Variants in FREM1 observed in about 807,000 individuals in gnomAD.
FREM1 encodes FRAS1 related extracellular matrix 1, also known as FRAS1-related extracellular matrix protein 1.
A neutral mutation model predicts 210.1 loss-of-function variants in FREM1; 220 were observed. That is an observed-to-expected ratio of 1.05 (90% CI 0.94 to 1.17). The LOEUF (loss-of-function observed/expected upper bound fraction) is 1.17. Among genes scored for constraint, FREM1 ranks in the 50% most tolerant of loss-of-function variants. The probability of loss-of-function intolerance (pLI) is 0.00; values close to 1 mark genes in which losing one functional copy is unlikely to be tolerated. For missense variants in FREM1, 3,454 were observed against 2,675.5 expected (o/e 1.29, Z -6.42); for synonymous variants, 1,189 against 980.2 (o/e 1.21, Z -3.98).
intron 1 of FREM1, among the ~76,000 whole-genome samples, chr9:14,899,769 G>C (rs1163073126): frequency 6.6e-6 from 1 of 152,200 alleles, no homozygotes; most frequent in Non-Finnish European, 1.5e-5. Context: ...GCAATATCCA[G>C]ATAGGCTGAC....
chr9:14,810,725 T>G (rs1018666559), intron 16 of FREM1, among the ~76,000 whole-genome samples: 1 of 152,232 alleles, frequency 6.6e-6, no homozygotes, highest in African/African-American at 2.4e-5. Context: ...GGTGATAATC[T>G]AAATGATAAA....
intron 28 of FREM1, among the ~76,000 whole-genome samples, chr9:14,758,377 T>C (rs1844817626): frequency 6.6e-6 from 1 of 152,194 alleles, no homozygotes; most frequent in Non-Finnish European, 1.5e-5. Context: ...GTGCTTTCTA[T>C]GGAGGACGGG....
At position 14,747,248 on chromosome 9, in the gene FREM1, A is replaced by G; in HGVS notation, c.6009+16T>C. The G allele has an allele frequency of 6.2e-7, 1 of 1,607,178 alleles. No homozygotes were observed. The highest frequency in any genetic ancestry group is 1.3e-5 in the African/African-American group (1 of 74,674). On this transcript the variant is annotated intron_variant, in intron 33 of 36. Coordinates refer to ENST00000380880, the MANE Select transcript of FREM1 (RefSeq NM_001379081.2). Reference sequence around the variant, plus strand: ...CTTGTTATAAGGTGAGTAAGAAGGAACAAAGATTTTCATACCTGTCTGGGG... The same window carrying G: ...CTTGTTATAAGGTGAGTAAGAAGGAGCAAAGATTTTCATACCTGTCTGGGG...
rs189361578 is a variant in FREM1, at chr9:14,876,004, G to A, written c.-267-6760C>T. On this transcript the variant is annotated intron_variant, in intron 1 of 36. Transcript: ENST00000380880. Reference sequence around the variant, plus strand: ...GCAGAACAGCGGATTTTCGTGAACCGCAAATGCTGCTGTCTGATCGTTCCT... The same window carrying A: ...GCAGAACAGCGGATTTTCGTGAACCACAAATGCTGCTGTCTGATCGTTCCT... Among the ~76,000 whole-genome samples, 511 of 152,282 alleles carry A rather than the reference G, an allele frequency of 3.4e-3. 4 individuals are homozygous for A. Among genetic ancestry groups the A allele is most frequent in the African/African-American group, 0.011 (465 of 41,552 alleles).
At chr9:14,908,904 A>C (rs1818256945) in intron 1 of FREM1, among the ~76,000 whole-genome samples, 1 of 152,170 alleles carries the variant, frequency 6.6e-6, no homozygotes, top group South Asian at 2.1e-4. Flanking sequence ...TGATGGAGAG[A>C]AACAGCAAAG....
chr9:14,859,439 G>C lies in FREM1; in HGVS notation c.375C>G (p.Val125=), dbSNP rs771731024. ...DTFIETFILW[V]YLLEPDCNII... ...TGTTACAGTCTGGTTCCAGGAGATAGACCCACAGGATAAAAGTTTCTATGA... is the reference window on the plus strand; with the variant it reads ...TGTTACAGTCTGGTTCCAGGAGATACACCCACAGGATAAAAGTTTCTATGA... The change falls in exon 4 of 37, where the codon GTC becomes GTG. Residue 125 remains valine, a synonymous_variant. Transcript: ENST00000380880. 9 of 1,613,844 alleles carry C rather than the reference G, an allele frequency of 5.6e-6. No individual in the cohort carries two copies. Among genetic ancestry groups the C allele is most frequent in the Middle Eastern group, 3.3e-4 (2 of 6,062 alleles).
At chr9:14,742,540 A>G (rs1269494390) in intron 35 of FREM1, among the ~76,000 whole-genome samples, 1 of 152,144 alleles carries the variant, frequency 6.6e-6, no homozygotes, top group African/African-American at 2.4e-5. Flanking sequence ...TTGAGTTAGC[A>G]ATCTGGTTAG....
chr9:14,766,891 A>C (rs1425623531), intron 27 of FREM1, among the ~76,000 whole-genome samples: 3 of 152,306 alleles, frequency 2.0e-5, no homozygotes, highest in Admixed American at 6.5e-5. Context: ...TCAATTTCTA[A>C]TTAGAGGCAG....
At chr9:14,821,558 T>A (rs1330428165) in intron 13 of FREM1, among the ~76,000 whole-genome samples, 1 of 152,216 alleles carries the variant, frequency 6.6e-6, no homozygotes. Flanking sequence ...GTTGACTCCA[T>A]AAGCATTCTA....
Position 14,813,172 on chromosome 9 carries a change from G to A in FREM1, c.2641-108C>T, listed in dbSNP as rs569639232. 1.6e-5 allele frequency: 19 copies of A among 1,208,674 alleles called. No homozygotes were observed. The South Asian group carries it at 2.8e-4, about 18-fold the overall frequency. The allele number at this position is 1,208,674 out of a possible 1,614,324, so 74.9% of individuals were successfully genotyped here. ...GAATGACAGGCATTTTCATCTTACA[G>A]ACACATGAAACAACAGCCGTGAAAT... On this transcript the variant is annotated intron_variant, in intron 15 of 36. Coordinates refer to ENST00000380880, the MANE Select transcript of FREM1 (RefSeq NM_001379081.2).
chr9:14,742,167 AG>A (rs763600604), intron 35 of FREM1, among the ~76,000 whole-genome samples: 6 of 152,218 alleles, frequency 3.9e-5, no homozygotes, highest in Non-Finnish European at 8.8e-5. Flanking sequence ...AATTATAAAT[AG>A]GTACACATAC....
chr9:14,897,071 C>T (rs1301426120), intron 1 of FREM1, among the ~76,000 whole-genome samples: 3 of 152,092 alleles, frequency 2.0e-5, no homozygotes, highest in African/African-American at 7.2e-5. Context: ...ACAAAAAGTG[C>T]CATGTTATTG....
chr9:14,782,320 C>T (rs956745906), intron 24 of FREM1: 87 of 970,726 alleles, frequency 9.0e-5, no homozygotes, highest in Non-Finnish European at 1.0e-4. Context: ...TATTGCCAAT[C>T]GTTTCATACG....
At chr9:14,818,562 A>G (rs1820723275) in intron 14 of FREM1, among the ~76,000 whole-genome samples, 1 of 152,228 alleles carries the variant, frequency 6.6e-6, no homozygotes, top group Admixed American at 6.5e-5. Flanking sequence ...TTGCTTTTGA[A>G]TAGCTTGTAT....
At chr9:14,801,419 G>A (rs1020357208) in intron 20 of FREM1, among the ~76,000 whole-genome samples, 12 of 152,148 alleles carry the variant, frequency 7.9e-5, no homozygotes, top group Non-Finnish European at 4.4e-5. Flanking sequence ...GCAATATATT[G>A]TTAACTATGG....
intron 13 of FREM1, among the ~76,000 whole-genome samples, chr9:14,821,390 C>G (rs1031194654): frequency 1.3e-5 from 2 of 152,166 alleles, no homozygotes; most frequent in Non-Finnish European, 2.9e-5. Flanking sequence ...GTTTCCTTCT[C>G]AGATCATCAT....
intron 1 of FREM1, among the ~76,000 whole-genome samples, chr9:14,872,148 C>A (rs371072755): frequency 6.6e-6 from 1 of 152,052 alleles, no homozygotes; most frequent in Admixed American, 6.6e-5. Flanking sequence ...CTTGGCAATG[C>A]GGGCTCTTTT....
intron 32 of FREM1, 82 bp from the exon 33 acceptor site, chr9:14,747,510 T>C: frequency 1.4e-6 from 2 of 1,391,294 alleles, no homozygotes; most frequent in Non-Finnish European, 2.0e-6. Flanking sequence ...ATTCAAAAAT[T>C]CAGTCAAAGC....
intron 12 of FREM1, 87 bp from the exon 13 acceptor site, chr9:14,823,414 T>C: frequency 1.6e-6 from 2 of 1,219,932 alleles, no homozygotes; most frequent in African/African-American, 1.5e-5. Context: ...TCATGTTAAT[T>C]GATATTGAAC....
Sources: allele counts gnomAD v4.1 joint callset (sites outside exome capture counted in the v4.1 genomes callset), GRCh38; gene constraint gnomAD v4.1.1; transcripts MANE v1.5; gene names NCBI Gene and HGNC (gene_info 2026-07-23, HGNC 2026-07-21).